Variants in SUSD4 observed in about 807,000 individuals in gnomAD.
SUSD4 encodes sushi domain-containing protein 4.
Under a neutral mutation model 50.5 loss-of-function variants are expected in SUSD4, and 41 were observed. That is an observed-to-expected ratio of 0.81 (90% confidence interval 0.63 to 1.05). The LOEUF is 1.05. Among genes scored for constraint, SUSD4 ranks in the 50% least tolerant of loss-of-function variants. The pLI, the probability that SUSD4 is intolerant of heterozygous loss-of-function variation, is 0.00. For missense variants in SUSD4, 580 were observed against 634.7 expected (o/e 0.91, Z 0.93); for synonymous variants, 257 against 257.3 (o/e 1.00, Z 0.01).
chr1:223,272,572 C>A (rs747755564), intron 3 of SUSD4, among the ~76,000 whole-genome samples: 37 of 152,288 alleles, frequency 2.4e-4, no homozygotes, highest in South Asian at 1.0e-3. Flanking sequence ...ATTTACTGTT[C>A]TTTAAAAGTT....
intron 3 of SUSD4, among the ~76,000 whole-genome samples, chr1:223,282,040 C>A (rs537796550): frequency 6.6e-6 from 1 of 152,148 alleles, no homozygotes; most frequent in Non-Finnish European, 1.5e-5. Context: ...ATTCAACAAC[C>A]CTTCATGCTA....
intron 3 of SUSD4, among the ~76,000 whole-genome samples, chr1:223,286,571 C>A (rs1011232459): frequency 6.6e-6 from 1 of 152,174 alleles, no homozygotes; most frequent in Non-Finnish European, 1.5e-5. Flanking sequence ...CAAATCTTAA[C>A]CAGACCACCT....
At chr1:223,302,516 A>G (rs552088687) in intron 2 of SUSD4, among the ~76,000 whole-genome samples, 40 of 152,274 alleles carry the variant, frequency 2.6e-4, no homozygotes, top group African/African-American at 8.7e-4. Flanking sequence ...GCCTGCACCA[A>G]CAACAGATGG....
chr1:223,222,348 C>A, intron 8 of SUSD4, 128 bp from the exon 9 acceptor site: 1 of 884,892 alleles, frequency 1.1e-6, no homozygotes. Context: ...TTAAGTTCCA[C>A]ATACCAGTTA....
chr1:223,339,081 G>A (rs1035126509), intron 2 of SUSD4, among the ~76,000 whole-genome samples: 16 of 152,164 alleles, frequency 1.1e-4, no homozygotes, highest in Non-Finnish European at 1.9e-4. Flanking sequence ...GTTAGAGGAA[G>A]AAAAAGCAGA....
chr1:223,323,565 G>A (rs1012727695), intron 2 of SUSD4, among the ~76,000 whole-genome samples: 1 of 152,152 alleles, frequency 6.6e-6, no homozygotes, highest in Non-Finnish European at 1.5e-5. Flanking sequence ...AGACAGGGAT[G>A]GGGGCTTCAT....
intron 3 of SUSD4, among the ~76,000 whole-genome samples, chr1:223,273,936 T>C (rs185038549): frequency 8.5e-5 from 13 of 152,294 alleles, no homozygotes; most frequent in South Asian, 6.2e-4. Flanking sequence ...ATGAGTAGAA[T>C]AGTTTTCCTG....
chr1:223,268,723 T>C, intron 3 of SUSD4, 48 bp from the exon 4 acceptor site: 2 of 1,578,640 alleles, frequency 1.3e-6, no homozygotes, highest in Non-Finnish European at 8.6e-7. Context: ...TTTAAAACGG[T>C]TGTGGTTCAC....
chr1:223,252,227 A>AT (rs1558183103), intron 5 of SUSD4, among the ~76,000 whole-genome samples: 6 of 128,216 alleles, frequency 4.7e-5, no homozygotes, highest in African/African-American at 1.7e-4. Flanking sequence ...ATTAAAAAAA[A>AT]AAAAAAAAAA....
chr1:223,339,225 T>C (rs1482772123), intron 2 of SUSD4, among the ~76,000 whole-genome samples: 3 of 152,162 alleles, frequency 2.0e-5, no homozygotes, highest in African/African-American at 7.2e-5. Flanking sequence ...TGCGTGTCTC[T>C]GAAGGTGACA....
At chr1:223,238,653 T>G (rs1660376017) in intron 5 of SUSD4, among the ~76,000 whole-genome samples, 1 of 152,000 alleles carries the variant, frequency 6.6e-6, no homozygotes, top group African/African-American at 2.4e-5. Context: ...CTATTATCTT[T>G]CTGGTGTTGA....
At chr1:223,258,187 A>G (rs972346693) in intron 5 of SUSD4, among the ~76,000 whole-genome samples, 3 of 152,160 alleles carry the variant, frequency 2.0e-5, no homozygotes, top group Non-Finnish European at 4.4e-5. Context: ...GGCGCCTCTT[A>G]TACCAGGCGC....
rs778160231 is a variant in SUSD4, at chr1:223,292,530, C to G, written c.270G>C (p.Lys90Asn). ...VARFHCQDGF[K>N]LKGATKRLCL... ...ACAGTCTCTTTGTAGCGCCCTTCAG[C>G]TTGAATCCGTCTTGGCAGTGAAATC... Residue 90 changes from lysine to asparagine, a missense_variant, in exon 3 of 9, where the codon AAG becomes AAC. Coordinates refer to ENST00000366878, the MANE Select transcript of SUSD4 (RefSeq NM_017982.4). 1 of 1,614,034 alleles carries G rather than the reference C, an allele frequency of 6.2e-7. No homozygotes were observed. Among genetic ancestry groups the G allele is most frequent in the African/African-American group, 1.3e-5 (1 of 74,926 alleles).
intron 4 of SUSD4, among the ~76,000 whole-genome samples, chr1:223,265,646 T>C (rs893715377): frequency 1.3e-5 from 2 of 152,190 alleles, no homozygotes; most frequent in African/African-American, 4.8e-5. Flanking sequence ...AAGTGGGACC[T>C]GGATCCCACA....
At chr1:223,303,919 T>A (rs537872297) in intron 2 of SUSD4, among the ~76,000 whole-genome samples, 2 of 152,338 alleles carry the variant, frequency 1.3e-5, no homozygotes, top group African/African-American at 4.8e-5. Context: ...AGTCTTTCTA[T>A]AACCTATGAT....
chr1:223,348,104 G>GA (rs71668467), intron 2 of SUSD4, among the ~76,000 whole-genome samples: 10,683 of 142,252 alleles, frequency 0.075, 419 homozygotes, highest in East Asian at 0.13. Flanking sequence ...TATTCAAATG[G>GA]AAAAAAAAAA....
At chr1:223,241,168 G>A (rs1417289478) in intron 5 of SUSD4, among the ~76,000 whole-genome samples, 1 of 152,152 alleles carries the variant, frequency 6.6e-6, no homozygotes. Context: ...TTTCCCTGGG[G>A]GACAGACCAT....
Position 223,269,581 on chromosome 1 carries a change from T to C in SUSD4, c.362-906A>G, listed in dbSNP as rs935925147. Among the ~76,000 whole-genome samples, 3 of 152,196 alleles carry C rather than the reference T, an allele frequency of 2.0e-5. 1 individual carries two copies. The highest frequency in any genetic ancestry group is 2.0e-4 in the Admixed American group (3 of 15,280). ...CTGGTTTAAGGCACATTGATCGCAA[T>C]GTGTCTCTCTCCATCTCTTATGAGC... On this transcript the variant is annotated intron_variant, in intron 3 of 8. Transcript: ENST00000366878.
chr1:223,244,900 A>G (rs1660817838), intron 5 of SUSD4, among the ~76,000 whole-genome samples: 1 of 152,104 alleles, frequency 6.6e-6, no homozygotes, highest in South Asian at 2.1e-4. Flanking sequence ...GAGGTACAGA[A>G]GAGAGACTAA....
Sources: gnomAD v4.1 joint callset for allele counts (sites outside exome capture counted in the v4.1 genomes callset) on GRCh38, gnomAD v4.1.1 for gene constraint, MANE v1.5 for transcripts, NCBI Gene and HGNC (gene_info 2026-07-23, HGNC 2026-07-21) for gene names.